Variants in COG4 observed in about 807,000 individuals in gnomAD.
The protein encoded by COG4 is conserved oligomeric Golgi complex subunit 4.
A neutral mutation model predicts 95.1 loss-of-function variants in COG4; 65 were observed. The observed-to-expected ratio is 0.68, with a 90% CI of 0.56 to 0.84. The LOEUF (loss-of-function observed/expected upper bound fraction) is 0.84. Among genes scored for constraint, COG4 ranks in the 40% least tolerant of loss-of-function variants. COG4 has a pLI of 0.00. For missense variants in COG4, 1,045 were observed against 989.1 expected (o/e 1.06, Z -0.76); for synonymous variants, 421 against 374.8 (o/e 1.12, Z -1.42).
At chr16:70,509,722 C>A in intron 6 of COG4, 194 bp downstream of exon 6, 1 of 628,576 alleles carries the variant, frequency 1.6e-6, no homozygotes, top group South Asian at 1.9e-5. Context: ...TAGGTAGGAT[C>A]AAAACACTGG....
At chr16:70,502,280 C>CAAAAAAA (rs59805765) in intron 8 of COG4, among the ~76,000 whole-genome samples, 1 of 19,112 alleles carries the variant, frequency 5.2e-5, no homozygotes, top group African/African-American at 1.1e-4. Flanking sequence ...GACTCCGTCT[C>CAAAAAAA]AAAAAAAAAA....
intron 5 of COG4, among the ~76,000 whole-genome samples, chr16:70,511,624 G>T (rs1410299875): frequency 6.6e-6 from 1 of 151,456 alleles, no homozygotes; most frequent in African/African-American, 2.4e-5. Flanking sequence ...GAGGCAGGAG[G>T]ATTGCTTGAG....
In COG4 at chr16:70,523,545, C is replaced by T; in HGVS notation, c.-2G>A. 1.9e-6 allele frequency: 3 copies of T among 1,613,760 alleles called. No individual in the cohort carries two copies. The highest frequency in any genetic ancestry group is 1.1e-5 in the South Asian group (1 of 91,070). On this transcript the variant is annotated 5_prime_UTR_variant, in exon 1 of 19. Coordinates refer to ENST00000323786, the MANE Select transcript of COG4 (RefSeq NM_015386.3). The stretch of plus-strand genomic sequence containing the variant: ...AAGGTCCGCCATCTTGGTCCCCATT[C>T]GGCACTTCCGGTCCCGCGAGGCCCC...
At chr16:70,507,262 A>C (rs1210279581) in intron 8 of COG4, among the ~76,000 whole-genome samples, 1 of 151,134 alleles carries the variant, frequency 6.6e-6, no homozygotes, top group Non-Finnish European at 1.5e-5. Flanking sequence ...AAAAAACCCC[A>C]AAACAACAAC....
chr16:70,505,358 C>A (rs1312511869), intron 8 of COG4, among the ~76,000 whole-genome samples: 1 of 150,802 alleles, frequency 6.6e-6, no homozygotes, highest in Non-Finnish European at 1.5e-5. Flanking sequence ...CCAACACACC[C>A]AGCTAATTTT....
chr16:70,482,554 T>G (rs2049020161), intron 15 of COG4, 175 bp downstream of exon 15: 1 of 681,098 alleles, frequency 1.5e-6, no homozygotes, highest in Admixed American at 2.1e-5. Context: ...TCTGAGCCCT[T>G]CTGACTAGGG....
At chr16:70,491,679 C>T (rs1052637612) in intron 12 of COG4, among the ~76,000 whole-genome samples, 5 of 151,476 alleles carry the variant, frequency 3.3e-5, no homozygotes, top group Non-Finnish European at 7.4e-5. Flanking sequence ...AAAAAATTAG[C>T]CAGGCGTGGT....
intron 1 of COG4, chr16:70,523,108 G>T (rs923564122): frequency 1.9e-6 from 1 of 531,166 alleles, no homozygotes; most frequent in Non-Finnish European, 3.4e-6. Flanking sequence ...GGAGAAACTG[G>T]TGATCATGGA....
intron 2 of COG4, 101 bp from the exon 3 acceptor site, chr16:70,517,841 C>G (rs981725149): frequency 3.1e-5 from 23 of 753,690 alleles, no homozygotes; most frequent in Admixed American, 5.8e-5. Context: ...TCTTTCATAC[C>G]TACCTGTAAC....
At chr16:70,513,791 C>T (rs1017855961) in intron 4 of COG4, among the ~76,000 whole-genome samples, 1 of 152,092 alleles carries the variant, frequency 6.6e-6, no homozygotes, top group Non-Finnish European at 1.5e-5. Flanking sequence ...TAAGGTTGAC[C>T]ATGAATAACT....
intron 12 of COG4, among the ~76,000 whole-genome samples, chr16:70,491,735 A>AAAG (rs2049248020): frequency 1.3e-5 from 2 of 150,888 alleles, no homozygotes; most frequent in Admixed American, 6.6e-5. Context: ...GAGGCAGGAG[A>AAAG]ATTGCTTGAA....
chr16:70,482,790 A>G lies in COG4; in HGVS notation c.1859T>C (p.Ile620Thr), dbSNP rs1395288886. 4 of 1,613,726 alleles carry G rather than the reference A, an allele frequency of 2.5e-6. No homozygotes were observed. The highest frequency in any genetic ancestry group is 2.5e-6 in the Non-Finnish European group (3 of 1,179,892). ...GATCCAAGGCTGCACCTGTGGCTTGATGGCTGTGCTGTTGAGCTCCGTCAG... is the reference window on the plus strand; with the variant it reads ...GATCCAAGGCTGCACCTGTGGCTTGGTGGCTGTGCTGTTGAGCTCCGTCAG... The part of the protein sequence containing the change: ...EGLTELNSTA[I>T]KPQVQPWINS... Residue 620 changes from isoleucine to threonine, a missense_variant, in exon 15 of 19, where the codon ATC becomes ACC. By Grantham distance (89) the Ile-to-Thr change is moderately conservative. Transcript: ENST00000323786.
At chr16:70,515,704 C>CAATA (rs907546414) in intron 3 of COG4, among the ~76,000 whole-genome samples, 2 of 152,144 alleles carry the variant, frequency 1.3e-5, no homozygotes, top group Admixed American at 6.6e-5. Flanking sequence ...ATCAATCAAT[C>CAATA]AATAAATAAA....
intron 18 of COG4, 99 bp from the exon 19 acceptor site, chr16:70,481,243 G>A: frequency 1.2e-6 from 2 of 1,607,100 alleles, no homozygotes; most frequent in Non-Finnish European, 1.7e-6. Flanking sequence ...CCGGGAAGGG[G>A]AAGGTGTCCT....
intron 13 of COG4, among the ~76,000 whole-genome samples, chr16:70,485,191 G>C (rs1475480584): frequency 6.6e-6 from 1 of 150,694 alleles, no homozygotes; most frequent in African/African-American, 2.5e-5. Context: ...GCAACAAAGT[G>C]AGACCCTGTC....
At chr16:70,492,194 C>T (rs1028964027) in intron 12 of COG4, among the ~76,000 whole-genome samples, 5 of 152,276 alleles carry the variant, frequency 3.3e-5, no homozygotes, top group Middle Eastern at 3.4e-3. Context: ...CTCCATACCC[C>T]TTCCCCCATA....
intron 9 of COG4, 84 bp from the exon 10 acceptor site, chr16:70,498,139 A>T: frequency 2.4e-6 from 2 of 817,698 alleles, no homozygotes; most frequent in Non-Finnish European, 4.3e-6. Context: ...AGGTTCCTTT[A>T]TAGTCTTTCT....
chr16:70,521,695 C>A (rs1043766207), intron 1 of COG4, among the ~76,000 whole-genome samples: 2 of 148,412 alleles, frequency 1.3e-5, no homozygotes, highest in Non-Finnish European at 3.0e-5. Context: ...AGTCAAGATA[C>A]TAAATTTTTT....
intron 8 of COG4, among the ~76,000 whole-genome samples, chr16:70,505,901 T>C (rs1424185834): frequency 6.6e-6 from 1 of 152,080 alleles, no homozygotes; most frequent in African/African-American, 2.4e-5. Flanking sequence ...TTCCAGTGCT[T>C]TGGGAGGCTG....
Sources: allele counts gnomAD v4.1 joint callset (sites outside exome capture counted in the v4.1 genomes callset), GRCh38; gene constraint gnomAD v4.1.1; transcripts MANE v1.5; gene names NCBI Gene and HGNC (gene_info 2026-07-23, HGNC 2026-07-21).